FIP1L1: variants seen among roughly 807,000 people sequenced by gnomAD.
FIP1L1 encodes factor interacting with PAPOLA and CPSF1, also known as pre-mRNA 3'-end-processing factor FIP1.
Under a neutral mutation model 84.6 loss-of-function variants are expected in FIP1L1, and 21 were observed. The ratio of observed to expected loss-of-function variants is 0.25; its 90% CI spans 0.18 to 0.36. FIP1L1 has a LOEUF of 0.36. Among genes scored for constraint, FIP1L1 ranks in the 10% least tolerant of loss-of-function variants. The pLI is 1.00. For missense variants in FIP1L1, 526 were observed against 751.1 expected (o/e 0.70, Z 3.50); for synonymous variants, 263 against 242.3 (o/e 1.09, Z -0.80).
At chr4:53,425,727 CAG>C (rs1449276173) in intron 11 of FIP1L1, 143 bp from the exon 12 acceptor site, 34 of 572,936 alleles carry the variant, frequency 5.9e-5, no homozygotes, top group Middle Eastern at 7.4e-4. Flanking sequence ...AGCTTAAACT[CAG>C]GGATATTTTT....
intron 17 of FIP1L1, 29 bp downstream of exon 17, chr4:53,458,819 A>G (rs1334341054): frequency 1.2e-6 from 2 of 1,600,776 alleles, no homozygotes; most frequent in East Asian, 4.5e-5. Flanking sequence ...TAGTGAACCA[A>G]TAGTATGTGA....
chr4:53,437,606 G>A (rs542663696), intron 13 of FIP1L1, among the ~76,000 whole-genome samples: 3 of 152,098 alleles, frequency 2.0e-5, no homozygotes, highest in Non-Finnish European at 4.4e-5. Flanking sequence ...TCCCACCCCA[G>A]ACTTACTGAA....
At chr4:53,424,784 G>C (rs892302018) in intron 11 of FIP1L1, among the ~76,000 whole-genome samples, 2 of 152,084 alleles carry the variant, frequency 1.3e-5, no homozygotes, top group Non-Finnish European at 2.9e-5. Context: ...CAAGGGGAGG[G>C]GAGGTCTATA....
chr4:53,459,319 A>G lies in FIP1L1; in HGVS notation c.1655A>G (p.His552Arg). The change falls in exon 18 of 18, where the codon CAT (histidine) becomes CGT (arginine). Residue 552 changes from histidine (H) to arginine (R), a missense_variant. This residue lies in a region of FIP1L1 where 89 missense variants were observed against 169.0 expected (regional missense o/e 0.53). Coordinates refer to ENST00000337488, the MANE Select transcript of FIP1L1 (RefSeq NM_030917.4). Reference protein sequence around the residue: ...KSSRSNSRRRHESEEGDSHRR... With the variant: ...KSSRSNSRRRRESEEGDSHRR... ...TTTTCCAGTAATAGTAGACGTCGCCATGAAAGTGAAGAAGGAGATAGTCAC... is the reference window on the plus strand; with the variant it reads ...TTTTCCAGTAATAGTAGACGTCGCCGTGAAAGTGAAGAAGGAGATAGTCAC... 3.3e-6 allele frequency: 5 copies of G among 1,517,316 alleles called. No homozygotes were observed. Among genetic ancestry groups the G allele is most frequent in the South Asian group, 1.1e-5 (1 of 87,098 alleles). 94.0% of individuals were successfully genotyped at this position (1,517,316 alleles called of 1,614,324 possible). A position where few individuals can be genotyped will look rare whatever the true frequency, so the allele number is the denominator to read the frequency against.
At position 53,460,785 on chromosome 4, in the gene FIP1L1, T is replaced by C. The variant is rs368922333; in HGVS notation, c.*1336T>C. The C allele has an allele frequency of 5.7e-6, 6 of 1,053,864 alleles. No homozygotes were observed. The African/African-American group carries it at 1.0e-4, about 18-fold the overall frequency. 65.3% of individuals were successfully genotyped at this position (1,053,864 alleles called of 1,614,324 possible). A position where few individuals can be genotyped will look rare whatever the true frequency, so the allele number is the denominator to read the frequency against. ...ACTGGCTTTCATTAGATGATCATAC[T>C]TTTCCTGACATTTTTACAATGTATT... On this transcript the variant is annotated 3_prime_UTR_variant, in exon 18 of 18. Coordinates refer to ENST00000337488, the MANE Select transcript of FIP1L1 (RefSeq NM_030917.4).
At chr4:53,458,511 AT>A (rs1000783096) in intron 16 of FIP1L1, 141 bp from the exon 17 acceptor site, 1 of 669,502 alleles carries the variant, frequency 1.5e-6, no homozygotes, top group African/African-American at 1.8e-5. Flanking sequence ...AATTCAACGA[AT>A]ATTTCTTCCT....
intron 15 of FIP1L1, among the ~76,000 whole-genome samples, chr4:53,449,889 G>T (rs1225290462): frequency 6.6e-6 from 1 of 152,100 alleles, no homozygotes; most frequent in Non-Finnish European, 1.5e-5. Context: ...GGTATAAAGT[G>T]CAGCATATTC....
intron 11 of FIP1L1, among the ~76,000 whole-genome samples, chr4:53,421,190 G>T (rs1403776171): frequency 6.6e-6 from 1 of 152,172 alleles, no homozygotes; most frequent in Non-Finnish European, 1.5e-5. Flanking sequence ...AATGATAGAT[G>T]TAGTTACAAT....
At chr4:53,385,847 A>C (rs1000011605) in intron 5 of FIP1L1, among the ~76,000 whole-genome samples, 1 of 152,140 alleles carries the variant, frequency 6.6e-6, no homozygotes, top group Non-Finnish European at 1.5e-5. Flanking sequence ...AAGTACAGGC[A>C]TTTGTGAAGA....
chr4:53,456,553 AG>A (rs1553926157), intron 16 of FIP1L1, among the ~76,000 whole-genome samples: 1 of 33,910 alleles, frequency 2.9e-5, no homozygotes, highest in Non-Finnish European at 1.3e-4. Context: ...GTATTTTAGC[AG>A]TATGGCATGT....
chr4:53,401,267 T>C (rs17082706), intron 10 of FIP1L1, among the ~76,000 whole-genome samples: 2 of 152,234 alleles, frequency 1.3e-5, no homozygotes, highest in Admixed American at 6.5e-5. Flanking sequence ...TATTGTTGAT[T>C]GGCCTTTCAA....
At chr4:53,412,096 A>C (rs1041076711) in intron 10 of FIP1L1, among the ~76,000 whole-genome samples, 7 of 152,200 alleles carry the variant, frequency 4.6e-5, no homozygotes, top group Non-Finnish European at 1.0e-4. Context: ...AAAAAAGTAC[A>C]AATAACTTCC....
intron 3 of FIP1L1, among the ~76,000 whole-genome samples, chr4:53,380,216 A>G (rs1334055362): frequency 3.9e-5 from 6 of 152,234 alleles, no homozygotes; most frequent in Non-Finnish European, 8.8e-5. Context: ...TAGAAAGTGG[A>G]AAAAGAAAAC....
chr4:53,378,050 G>C, intron 1 of FIP1L1, 127 bp downstream of exon 1: 1 of 819,996 alleles, frequency 1.2e-6, no homozygotes, highest in African/African-American at 1.8e-5. Context: ...TGTCCGGCCT[G>C]ACTTAGGCCG....
intron 12 of FIP1L1, among the ~76,000 whole-genome samples, chr4:53,426,438 C>G (rs1407401500): frequency 6.6e-6 from 1 of 151,922 alleles, no homozygotes; most frequent in Admixed American, 6.6e-5. Flanking sequence ...GATTGTGATC[C>G]GTCACATGTG....
intron 15 of FIP1L1, among the ~76,000 whole-genome samples, chr4:53,448,904 T>C (rs1775298846): frequency 6.6e-6 from 1 of 152,178 alleles, no homozygotes; most frequent in Admixed American, 6.5e-5. Context: ...GTTGCTGTTA[T>C]AAGTGTTATA....
At chr4:53,437,389 A>T (rs1276915452) in intron 13 of FIP1L1, among the ~76,000 whole-genome samples, 5 of 145,872 alleles carry the variant, frequency 3.4e-5, no homozygotes, top group Admixed American at 6.8e-5. Flanking sequence ...AGAATGCCAG[A>T]TGGTGTAGGC....
At chr4:53,458,816 C>A (rs867696699) in intron 17 of FIP1L1, 26 bp downstream of exon 17, 1 of 1,602,376 alleles carries the variant, frequency 6.2e-7, no homozygotes, top group Admixed American at 1.7e-5. Flanking sequence ...AAATAGTGAA[C>A]CAATAGTATG....
intron 15 of FIP1L1, 92 bp downstream of exon 15, chr4:53,444,195 C>T (rs1773219845): frequency 5.9e-6 from 5 of 842,288 alleles, no homozygotes; most frequent in Non-Finnish European, 1.0e-5. Flanking sequence ...CATGGTTTAA[C>T]ATCTTACAGA....
Sources: gnomAD v4.1 joint callset for allele counts (sites outside exome capture counted in the v4.1 genomes callset) on GRCh38, gnomAD v4.1.1 for gene constraint, gnomAD v4.1.1 regional missense constraint, MANE v1.5 for transcripts, NCBI Gene and HGNC (gene_info 2026-07-23, HGNC 2026-07-21) for gene names.